Variants in GPCPD1 observed in about 807,000 individuals in gnomAD.
The protein encoded by GPCPD1 is glycerophosphocholine phosphodiesterase GPCPD1.
Under a neutral mutation model 89.2 loss-of-function variants are expected in GPCPD1, and 29 were observed. The ratio of observed to expected loss-of-function variants is 0.33; its 90% CI spans 0.24 to 0.44. The LOEUF (loss-of-function observed/expected upper bound fraction) is 0.44, where lower values mean the gene tolerates loss of function less well. Ranked by LOEUF, GPCPD1 falls within the 20% of genes least tolerant of loss-of-function variation. The probability of loss-of-function intolerance (pLI) is 1.00; values close to 1 mark genes in which losing one functional copy is unlikely to be tolerated. For missense variants in GPCPD1, 594 were observed against 808.9 expected (o/e 0.73, Z 3.22); for synonymous variants, 258 against 266.3 (o/e 0.97, Z 0.30).
At chr20:5,593,880 T>C (rs1979510454) in intron 3 of GPCPD1, among the ~76,000 whole-genome samples, 1 of 152,200 alleles carries the variant, frequency 6.6e-6, no homozygotes, top group Non-Finnish European at 1.5e-5. Flanking sequence ...ATAAGAGACT[T>C]TGGGTCGCAG....
chr20:5,575,779 T>C (rs1333826106), intron 9 of GPCPD1, 37 bp downstream of exon 9: 4 of 1,403,976 alleles, frequency 2.8e-6, no homozygotes, highest in Non-Finnish European at 4.0e-6. Context: ...AAATTCTAAC[T>C]TAACCTTGGG....
At position 5,547,623 on chromosome 20, in the gene GPCPD1, C is replaced by A. The variant is rs371155477; in HGVS notation, c.*38G>T. ...GATGAAAAATGAATACCCAGAACAG[C>A]GGTGCACGCCCCCAAAATGACCTCT... On this transcript the variant is annotated 3_prime_UTR_variant, in exon 20 of 20. Coordinates refer to ENST00000379019, the MANE Select transcript of GPCPD1 (RefSeq NM_019593.5). 2.7e-6 allele frequency: 3 copies of A among 1,100,432 alleles called. No individual in the cohort carries two copies. In the Admixed American group the frequency reaches 5.8e-5, roughly 21 times the overall value. The allele number at this position is 1,100,432 out of a possible 1,614,324, so 68.2% of individuals were successfully genotyped here. A position where few individuals can be genotyped will look rare whatever the true frequency, so the allele number is the denominator to read the frequency against.
At chr20:5,608,162 A>G (rs985346304) in intron 1 of GPCPD1, among the ~76,000 whole-genome samples, 2 of 152,218 alleles carry the variant, frequency 1.3e-5, no homozygotes, top group African/African-American at 4.8e-5. Flanking sequence ...AACTTAAGTA[A>G]ATATAATAAA....
chr20:5,590,577 A>G (rs1227824136), intron 4 of GPCPD1, among the ~76,000 whole-genome samples: 2 of 143,000 alleles, frequency 1.4e-5, no homozygotes, highest in African/African-American at 2.7e-5. Flanking sequence ...TACAACCAGT[A>G]AAAGAAACAG....
intron 12 of GPCPD1, among the ~76,000 whole-genome samples, chr20:5,569,265 T>G (rs902853104): frequency 6.6e-6 from 1 of 152,154 alleles, no homozygotes; most frequent in Non-Finnish European, 1.5e-5. Context: ...TTTGTCACAC[T>G]CTTTAATACA....
At chr20:5,588,012 A>G (rs1218627789) in intron 4 of GPCPD1, among the ~76,000 whole-genome samples, 1 of 152,204 alleles carries the variant, frequency 6.6e-6, no homozygotes, top group East Asian at 1.9e-4. Context: ...CCCTGCTATA[A>G]TAGTTCACCT....
intron 6 of GPCPD1, among the ~76,000 whole-genome samples, chr20:5,583,159 G>C (rs932960489): frequency 5.5e-5 from 8 of 145,876 alleles, no homozygotes; most frequent in Non-Finnish European, 1.0e-4. Context: ...GGGAGGCAGA[G>C]AGTGCGGTGA....
intron 4 of GPCPD1, among the ~76,000 whole-genome samples, chr20:5,592,312 G>A (rs544962725): frequency 1.3e-5 from 2 of 152,218 alleles, no homozygotes; most frequent in Admixed American, 1.3e-4. Context: ...TAAATGAGAT[G>A]CCCTTTTCTT....
intron 2 of GPCPD1, 90 bp from the exon 3 acceptor site, chr20:5,598,911 T>C (rs1468205191): frequency 1.3e-6 from 1 of 796,290 alleles, no homozygotes; most frequent in Non-Finnish European, 2.2e-6. Context: ...CAACCAGATA[T>C]GCTGCCCCCT....
intron 9 of GPCPD1, 114 bp from the exon 10 acceptor site, chr20:5,575,659 G>T: frequency 1.2e-6 from 1 of 853,614 alleles, no homozygotes; most frequent in Non-Finnish European, 1.8e-6. Context: ...CTGTCAAACG[G>T]AAAAAAAAAC....
Position 5,558,773 on chromosome 20 carries a change from C to T in GPCPD1, c.1579G>A (p.Gly527Arg), listed in dbSNP as rs755451650. The T allele has an allele frequency of 6.3e-7, 1 of 1,592,132 alleles. No individual in the cohort carries two copies. The highest frequency in any genetic ancestry group is 1.1e-5 in the South Asian group (1 of 88,388). ...AGTTCAGGATAAATCTCAGATTTTCCTTGAGTTAAAAATAGTATCGGATAT... is the reference window on the plus strand; with the variant it reads ...AGTTCAGGATAAATCTCAGATTTTCTTTGAGTTAAAAATAGTATCGGATAT... ...NKYPILFLTQGKSEIYPELMD... is the reference protein window; with the variant it reads ...NKYPILFLTQRKSEIYPELMD... Residue 527 changes from glycine to arginine, a missense_variant, in exon 18 of 20, where the codon GGA becomes AGA. Gly to Arg is a moderately radical substitution (Grantham distance 125, BLOSUM62 -2). Transcript: ENST00000379019.
At chr20:5,594,277 T>C (rs1568673714) in intron 3 of GPCPD1, among the ~76,000 whole-genome samples, 2 of 152,020 alleles carry the variant, frequency 1.3e-5, no homozygotes, top group Admixed American at 6.6e-5. Flanking sequence ...ACCTGTATTT[T>C]AACAAGCCTC....
In GPCPD1 at chr20:5,567,439, C is replaced by T. The variant is rs371223429; in HGVS notation, c.1227+44G>A. 7.1e-6 allele frequency: 11 copies of T among 1,540,622 alleles called. No individual in the cohort carries two copies. In the African/African-American group the frequency reaches 1.4e-4, roughly 20 times the overall value. On this transcript the variant is annotated intron_variant, in intron 13 of 19. Transcript: ENST00000379019. Reference sequence around the variant, plus strand: ...ACCATATACAAGCAAGTACAATAGTCCTAAAGCTAAGGGATAATTTACATT... The same window carrying T: ...ACCATATACAAGCAAGTACAATAGTTCTAAAGCTAAGGGATAATTTACATT...
intron 4 of GPCPD1, among the ~76,000 whole-genome samples, chr20:5,592,081 A>G (rs901391068): frequency 3.3e-5 from 5 of 152,220 alleles, no homozygotes; most frequent in African/African-American, 1.2e-4. Context: ...ACCTGTGTTG[A>G]CAATAGTCTT....
Position 5,580,124 on chromosome 20 carries a change from A to C in GPCPD1, c.357T>G (p.Val119=). ...TCAGCCATCCAGAATCCAGAGTTTC[A>C]ACACCATCTGACAGAATAAATATGA... is the stretch of plus-strand genomic sequence containing the variant. The part of the protein sequence containing the change: ...DDGQFGIHNG[V]ETLDSGWLTC... Residue 119 remains valine, a synonymous_variant, in exon 7 of 20, where the codon GTT becomes GTG. Coordinates refer to ENST00000379019, the MANE Select transcript of GPCPD1 (RefSeq NM_019593.5). 1 of 1,473,270 alleles carries C rather than the reference A, an allele frequency of 6.8e-7. No homozygotes were observed. Among genetic ancestry groups the C allele is most frequent in the South Asian group, 1.2e-5 (1 of 86,204 alleles). 91.3% of individuals were successfully genotyped at this position (1,473,270 alleles called of 1,614,324 possible).
intron 19 of GPCPD1, among the ~76,000 whole-genome samples, chr20:5,550,283 CA>C (rs11476159): frequency 0.24 from 18,231 of 75,978 alleles, 1,180 homozygotes; most frequent in Middle Eastern, 0.29. Context: ...TCAAATGAAG[CA>C]AAAAAAAAAA....
intron 5 of GPCPD1, chr20:5,585,597 T>C (rs1255162404): frequency 1.2e-5 from 1 of 84,624 alleles, no homozygotes; most frequent in Non-Finnish European, 2.4e-5. Flanking sequence ...TTAATGTGTT[T>C]AAAAGAAAAC....
chr20:5,590,265 G>A (rs1379322325), intron 4 of GPCPD1, among the ~76,000 whole-genome samples: 2 of 152,120 alleles, frequency 1.3e-5, no homozygotes, highest in Admixed American at 6.5e-5. Flanking sequence ...TCAAGGCCAC[G>A]TGCGGTGGCT....
chr20:5,600,451 G>T (rs1227528273), intron 2 of GPCPD1, among the ~76,000 whole-genome samples: 6 of 152,226 alleles, frequency 3.9e-5, no homozygotes, highest in Non-Finnish European at 7.3e-5. Context: ...CACTCTGGGG[G>T]ACTGAAGTGG....
Sources: allele counts gnomAD v4.1 joint callset (sites outside exome capture counted in the v4.1 genomes callset), GRCh38; gene constraint gnomAD v4.1.1; transcripts MANE v1.5; gene names NCBI Gene and HGNC (gene_info 2026-07-23, HGNC 2026-07-21).